The following RUFY2 variants were observed in gnomAD, a reference collection of about 807,000 sequenced individuals.
RUFY2 encodes RUN and FYVE domain containing 2.
In RUFY2, 49 loss-of-function variants were observed where a neutral mutation model predicts 94.4. That is an observed-to-expected ratio of 0.52 (90% CI 0.41 to 0.66). RUFY2 has a LOEUF of 0.66. RUFY2 is among the 30% of genes least tolerant of loss of function. The pLI is 0.00. For missense variants in RUFY2, 541 were observed against 692.8 expected (o/e 0.78, Z 2.46); for synonymous variants, 255 against 235.7 (o/e 1.08, Z -0.75).
rs201152639 is a variant in RUFY2 at position 68,354,003 on chromosome 10, T to TA, written c.1599+1349dup. Among the ~76,000 whole-genome samples the TA allele has an allele frequency of 2.9e-3, 445 of 152,058 alleles. 3 individuals are homozygous for TA. The highest frequency in any genetic ancestry group is 0.016 in the East Asian group (81 of 5,178). On this transcript the variant is annotated intron_variant, in intron 16 of 17. Transcript: ENST00000602465. ...CAAATAGTACATACTGAACATTAGT[T>TA]AGACATACAGAGATAAATGCCAGAA... is the stretch of plus-strand genomic sequence containing the variant.
At chr10:68,399,169 G>A (rs1048163028) in intron 3 of RUFY2, among the ~76,000 whole-genome samples, 1 of 151,606 alleles carries the variant, frequency 6.6e-6, no homozygotes, top group Non-Finnish European at 1.5e-5. Flanking sequence ...TCAGCCTCCC[G>A]AGTAGCTGGG....
At chr10:68,377,150 T>G (rs967859052) in intron 12 of RUFY2, 178 bp from the exon 13 acceptor site, 2 of 1,459,888 alleles carry the variant, frequency 1.4e-6, no homozygotes. Context: ...AGAAGTTGTT[T>G]TGTGATTTTT....
chr10:68,394,301 C>A lies in RUFY2; in HGVS notation c.522+27G>T, dbSNP rs1389497124. Reference sequence around the variant, plus strand: ...AACTGTGCAAACTGAAAACACTCTGCATTTGGCACTAGTCACTTTCACTTA... The same window carrying A: ...AACTGTGCAAACTGAAAACACTCTGAATTTGGCACTAGTCACTTTCACTTA... On this transcript the variant is annotated intron_variant, in intron 5 of 17. Coordinates refer to ENST00000602465, the MANE Select transcript of RUFY2 (RefSeq NM_001330103.2). The A allele has an allele frequency of 3.1e-6, 5 of 1,613,528 alleles. 1 individual carries two copies. The South Asian group carries it at 5.5e-5, about 18-fold the overall frequency.
chr10:68,382,173 C>T (rs370445750), intron 10 of RUFY2, among the ~76,000 whole-genome samples: 1 of 151,438 alleles, frequency 6.6e-6, no homozygotes, highest in Non-Finnish European at 1.5e-5. Context: ...CTCAGCCTCC[C>T]GAGTAGGTGG....
chr10:68,365,632 C>T (rs1046941414), intron 13 of RUFY2, among the ~76,000 whole-genome samples: 6 of 152,174 alleles, frequency 3.9e-5, no homozygotes, highest in Admixed American at 6.6e-5. Context: ...GCATAACTCA[C>T]GTTTATTTCA....
At chr10:68,364,695 A>G (rs557320297) in intron 13 of RUFY2, among the ~76,000 whole-genome samples, 42 of 152,034 alleles carry the variant, frequency 2.8e-4, no homozygotes, top group Admixed American at 1.9e-3. Context: ...TGGAAATGCC[A>G]GTTCTGAAAG....
intron 16 of RUFY2, among the ~76,000 whole-genome samples, chr10:68,350,825 G>GC (rs1201801026): frequency 6.6e-6 from 1 of 151,818 alleles, no homozygotes; most frequent in African/African-American, 2.4e-5. Context: ...CAATTCTCCT[G>GC]CCTCAGCCTC....
chr10:68,383,280 G>A (rs972613854), intron 10 of RUFY2, among the ~76,000 whole-genome samples: 35 of 143,264 alleles, frequency 2.4e-4, no homozygotes, highest in Middle Eastern at 4.5e-3. Context: ...AGCCAAGATC[G>A]CACCACTGCA....
At chr10:68,394,285 A>G (rs2050217789) in intron 5 of RUFY2, 43 bp downstream of exon 5, 2 of 1,612,548 alleles carry the variant, frequency 1.2e-6, no homozygotes, top group African/African-American at 2.7e-5. Context: ...GAACTGTGCA[A>G]ACTGAAAACA....
At chr10:68,377,356 A>C (rs1351456418) in intron 12 of RUFY2, 1 of 1,063,262 alleles carries the variant, frequency 9.4e-7, no homozygotes, top group Non-Finnish European at 1.1e-6. Context: ...TGCCTACACT[A>C]GGTGAAGAAG....
intron 16 of RUFY2, among the ~76,000 whole-genome samples, chr10:68,354,993 C>T (rs1483603036): frequency 6.6e-6 from 1 of 151,986 alleles, no homozygotes; most frequent in Non-Finnish European, 1.5e-5. Flanking sequence ...ATTACAGGCA[C>T]CCACTACCAC....
chr10:68,395,841 C>T (rs1207015579), intron 4 of RUFY2, among the ~76,000 whole-genome samples: 2 of 152,168 alleles, frequency 1.3e-5, no homozygotes, highest in African/African-American at 2.4e-5. Flanking sequence ...GTAAAACCAG[C>T]ATCACAAGTA....
At chr10:68,358,849 T>C (rs2047232495) in intron 15 of RUFY2, among the ~76,000 whole-genome samples, 1 of 151,786 alleles carries the variant, frequency 6.6e-6, no homozygotes, top group Non-Finnish European at 1.5e-5. Context: ...AGGCAGATGT[T>C]GCAGTGAGCC....
intron 12 of RUFY2, chr10:68,378,679 T>A: frequency 6.3e-7 from 1 of 1,599,654 alleles, no homozygotes; most frequent in Admixed American, 1.7e-5. Context: ...CACTTCATAA[T>A]GGAATGGAAA....
chr10:68,392,619 T>C (rs985854353), intron 7 of RUFY2, among the ~76,000 whole-genome samples: 5 of 152,016 alleles, frequency 3.3e-5, no homozygotes, highest in African/African-American at 9.7e-5. Flanking sequence ...ATGAAGATTC[T>C]GTATTAAAAA....
At chr10:68,347,014 G>A (rs1326833865) in intron 16 of RUFY2, among the ~76,000 whole-genome samples, 4 of 152,052 alleles carry the variant, frequency 2.6e-5, no homozygotes, top group East Asian at 1.9e-4. Flanking sequence ...AGCTACTCTG[G>A]AGGCTGAGAA....
intron 16 of RUFY2, among the ~76,000 whole-genome samples, chr10:68,349,231 T>C (rs1350371566): frequency 6.6e-6 from 1 of 152,102 alleles, no homozygotes; most frequent in African/African-American, 2.4e-5. Flanking sequence ...GAATCGATAA[T>C]GAGGCCGGGT....
chr10:68,379,560 T>C, intron 11 of RUFY2, 39 bp from the exon 12 acceptor site: 2 of 1,448,828 alleles, frequency 1.4e-6, no homozygotes, highest in Non-Finnish European at 1.9e-6. Flanking sequence ...TTTTGATTTG[T>C]GTGTGTGTGT....
intron 6 of RUFY2, 30 bp from the exon 7 acceptor site, chr10:68,393,233 A>C (rs1161540461): frequency 7.8e-7 from 1 of 1,278,446 alleles, no homozygotes; most frequent in South Asian, 1.3e-5. Flanking sequence ...GCTTTGTGCT[A>C]GTTGAAAAGG....
Sources: gnomAD v4.1 joint callset for allele counts (sites outside exome capture counted in the v4.1 genomes callset) on GRCh38, gnomAD v4.1.1 for gene constraint, MANE v1.5 for transcripts, NCBI Gene and HGNC (gene_info 2026-07-23, HGNC 2026-07-21) for gene names.